STRN: variants seen among roughly 807,000 people sequenced by gnomAD.
STRN encodes the protein protein phosphatase 2 regulatory subunit B'''alpha.
In STRN, 53 loss-of-function variants were observed where a neutral mutation model predicts 96.3. That is an observed-to-expected ratio of 0.55 (90% CI 0.44 to 0.69). The LOEUF (loss-of-function observed/expected upper bound fraction) is 0.69, where lower values mean the gene tolerates loss of function less well. Among genes scored for constraint, STRN ranks in the 30% least tolerant of loss-of-function variants. STRN has a pLI of 0.00. For missense variants in STRN, 987 were observed against 963.9 expected, an observed-to-expected ratio of 1.02 and a Z score of -0.32; for synonymous variants, 428 against 355.9, an observed-to-expected ratio of 1.20 and a Z score of -2.28.
At position 36,924,981 on chromosome 2, in the gene STRN, G is replaced by A. The variant is rs553659111; in HGVS notation, c.338+124C>T. ...TGAGGCAGGAGAATTGCTTGAAACC[G>A]GGAGGCGGAGGTCGCGGTGAGCCAA... On this transcript the variant is annotated intron_variant, in intron 2 of 17. Transcript: ENST00000263918. The A allele has an allele frequency of 8.4e-5, 61 of 721,904 alleles. No homozygotes were observed. In the East Asian group the frequency reaches 8.8e-4, roughly 10 times the overall value. The allele number at this position is 721,904 out of a possible 1,614,324, so 44.7% of individuals were successfully genotyped here.
chr2:36,856,578 A>AT, intron 14 of STRN, among the ~76,000 whole-genome samples: 2 of 152,360 alleles, frequency 1.3e-5, no homozygotes, highest in Middle Eastern at 6.8e-3. Context: ...GAGTAGATAA[A>AT]ACTAATCTAT....
chr2:36,877,701 A>G (rs919094005), intron 10 of STRN, among the ~76,000 whole-genome samples, 190 bp downstream of exon 10: 1 of 152,096 alleles, frequency 6.6e-6, no homozygotes, highest in Admixed American at 6.6e-5. Context: ...ATGCCTGGCT[A>G]ATTTTTTGTA....
chr2:36,934,929 T>G (rs145219876), intron 1 of STRN, among the ~76,000 whole-genome samples: 1 of 152,088 alleles, frequency 6.6e-6, no homozygotes, highest in Non-Finnish European at 1.5e-5. Flanking sequence ...AATACAAAAA[T>G]TAGCCCGGTG....
At chr2:36,937,342 C>CAAAAAAAA (rs59891421) in intron 1 of STRN, among the ~76,000 whole-genome samples, 1 of 107,692 alleles carries the variant, frequency 9.3e-6, no homozygotes, top group African/African-American at 3.5e-5. Flanking sequence ...GAGACTGTCT[C>CAAAAAAAA]AAAAAAAAAA....
At chr2:36,886,967 A>C (rs542369218) in intron 7 of STRN, 141 bp from the exon 8 acceptor site, 92 of 559,758 alleles carry the variant, frequency 1.6e-4, no homozygotes, top group Non-Finnish European at 3.6e-5. Context: ...TTTTATATAT[A>C]TAAGTCACAC....
At chr2:36,864,217 C>T (rs1462989372) in intron 12 of STRN, among the ~76,000 whole-genome samples, 1 of 152,138 alleles carries the variant, frequency 6.6e-6, no homozygotes, top group Non-Finnish European at 1.5e-5. Flanking sequence ...GAGCAGGCAT[C>T]CTTGTCTTGT....
chr2:36,945,669 A>G (rs1165082070), intron 1 of STRN, among the ~76,000 whole-genome samples: 3 of 152,190 alleles, frequency 2.0e-5, no homozygotes, highest in African/African-American at 7.2e-5. Context: ...TCTCAGAAAA[A>G]AAAAAGAATG....
At chr2:36,935,232 A>G (rs1215496919) in intron 1 of STRN, among the ~76,000 whole-genome samples, 4 of 152,152 alleles carry the variant, frequency 2.6e-5, no homozygotes, top group South Asian at 2.1e-4. Context: ...TTCGGATTCT[A>G]CCAATGTCCT....
At chr2:36,926,515 G>A (rs1670415066) in intron 1 of STRN, among the ~76,000 whole-genome samples, 1 of 152,212 alleles carries the variant, frequency 6.6e-6, no homozygotes, top group Non-Finnish European at 1.5e-5. Context: ...AAGGAATTGT[G>A]AGGATTGTGC....
intron 6 of STRN, among the ~76,000 whole-genome samples, chr2:36,898,966 A>T (rs1017042754): frequency 6.6e-6 from 1 of 152,122 alleles, no homozygotes; most frequent in African/African-American, 2.4e-5. Flanking sequence ...GAAAATGGAG[A>T]AGGGAAGAGA....
chr2:36,897,036 G>T (rs561851475), intron 6 of STRN, among the ~76,000 whole-genome samples: 1 of 151,930 alleles, frequency 6.6e-6, no homozygotes, highest in Admixed American at 6.6e-5. Flanking sequence ...GTGTGGTGGT[G>T]CATGCTTGTA....
In STRN at chr2:36,886,809, G is replaced by A; in HGVS notation, c.949C>T (p.Leu317Phe). ...TCCACATTCCAGGCTTCAGGCATGA[G>A]ACACTGGTCTTCCTTTTCTAAACAG... ...GTDWEKEDQC[L>F]MPEAWNVDQG... The change falls in exon 8 of 18, where the codon CTC (leucine) becomes TTC (phenylalanine). Residue 317 changes from leucine to phenylalanine, a missense_variant. Coordinates refer to ENST00000263918, the MANE Select transcript of STRN (RefSeq NM_003162.4). The A allele has an allele frequency of 6.2e-7, 1 of 1,612,480 alleles. No homozygotes were observed. The highest frequency in any genetic ancestry group is 8.5e-7 in the Non-Finnish European group (1 of 1,179,304).
intron 7 of STRN, among the ~76,000 whole-genome samples, chr2:36,888,111 A>C (rs1244303680): frequency 7.9e-5 from 12 of 151,858 alleles, no homozygotes; most frequent in Non-Finnish European, 1.5e-5. Context: ...ATTCTTTCCC[A>C]CTCCACATAA....
In STRN at chr2:36,867,821, C is replaced by A. The variant is rs1668668003; in HGVS notation, c.1540G>T (p.Ala514Ser). ...LDVEPIYTFR[A>S]HKGPVLCVVM... ...GAAAAAACATATACTTACTTATGGGCTCTGAATGTATAGATAGGTTCTACA... is the reference window on the plus strand; with the variant it reads ...GAAAAAACATATACTTACTTATGGGATCTGAATGTATAGATAGGTTCTACA... The change falls in exon 12 of 18, where the codon GCC (alanine) becomes TCC (serine). Residue 514 changes from alanine (A) to serine (S), a missense_variant. Physicochemically the swap from Ala to Ser is moderately conservative, Grantham distance 99. Transcript: ENST00000263918. 2 of 1,580,314 alleles carry A rather than the reference C, an allele frequency of 1.3e-6. No individual in the cohort carries two copies. Among genetic ancestry groups the A allele is most frequent in the Non-Finnish European group, 8.6e-7 (1 of 1,164,838 alleles).
intron 1 of STRN, among the ~76,000 whole-genome samples, chr2:36,961,270 C>T (rs1422444844): frequency 6.6e-6 from 1 of 150,498 alleles, no homozygotes; most frequent in African/African-American, 2.5e-5. Flanking sequence ...GGGACTAACC[C>T]GGCTAATTAA....
At chr2:36,895,828 G>A (rs535382770) in intron 6 of STRN, among the ~76,000 whole-genome samples, 60 of 151,978 alleles carry the variant, frequency 3.9e-4, no homozygotes, top group Non-Finnish European at 7.5e-4. Flanking sequence ...GGAGGCTGAG[G>A]CAGGAGAATG....
intron 7 of STRN, 85 bp downstream of exon 7, chr2:36,893,813 A>G: frequency 2.1e-6 from 3 of 1,457,626 alleles, no homozygotes; most frequent in Admixed American, 2.4e-5. Context: ...TTTCAACATT[A>G]TAGTTAAGAT....
intron 7 of STRN, among the ~76,000 whole-genome samples, chr2:36,889,672 C>T (rs545469538): frequency 2.0e-5 from 3 of 151,624 alleles, no homozygotes; most frequent in African/African-American, 4.8e-5. Context: ...CCCTTAAAAT[C>T]GTTTAAATGT....
chr2:36,876,715 C>T (rs1668921975), intron 10 of STRN, among the ~76,000 whole-genome samples: 1 of 151,574 alleles, frequency 6.6e-6, no homozygotes, highest in Non-Finnish European at 1.5e-5. Context: ...AACTATTTTT[C>T]TAATAAATTA....
Sources: gnomAD v4.1 joint callset for allele counts (sites outside exome capture counted in the v4.1 genomes callset) on GRCh38, gnomAD v4.1.1 for gene constraint, MANE v1.5 for transcripts, NCBI Gene and HGNC (gene_info 2026-07-23, HGNC 2026-07-21) for gene names.